Variants in HSF5 observed in about 807,000 individuals in gnomAD.
HSF5 encodes the protein heat shock transcription factor 5.
HSF5 carries 5 observed loss-of-function variants against 50.8 expected under a neutral mutation model. That is an observed-to-expected ratio of 0.10 (90% CI 0.05 to 0.21). HSF5 has a LOEUF of 0.21. Among genes scored for constraint, HSF5 ranks in the 10% least tolerant of loss-of-function variants. The pLI is 1.00. For synonymous variants in HSF5, 307 were observed against 307.4 expected (o/e 1.00, Z 0.02); for missense variants, 564 against 762.6 (o/e 0.74, Z 3.07).
chr17:58,441,402 T>C (rs1405438646), intron 5 of HSF5, among the ~76,000 whole-genome samples: 1 of 152,172 alleles, frequency 6.6e-6, no homozygotes, highest in Admixed American at 6.5e-5. Flanking sequence ...TTTTAAATGT[T>C]AATCTTAGAA....
At position 58,421,535 on chromosome 17, in the gene HSF5, T is replaced by C. The variant is rs1974229619; in HGVS notation, c.*825A>G. ...TCCTTCTATCCTGCAATAATAAAAA[T>C]ATAAAACTTTAAAACCTTTAAATCT... On this transcript the variant is annotated 3_prime_UTR_variant, in exon 6 of 6. Transcript: ENST00000323777. The C allele has an allele frequency of 6.6e-6, 1 of 152,204 alleles. No individual in the cohort carries two copies. Among genetic ancestry groups the C allele is most frequent in the African/African-American group, 2.4e-5 (1 of 41,464 alleles). The allele number at this position is 152,204 out of a possible 1,614,324, so 9.4% of individuals were successfully genotyped here.
At chr17:58,422,718 G>A (rs573063574) in intron 5 of HSF5, among the ~76,000 whole-genome samples, 53 of 145,704 alleles carry the variant, frequency 3.6e-4, no homozygotes, top group Admixed American at 1.1e-3. Context: ...TTTTTGAGAC[G>A]GAGTTTTGCT....
intron 5 of HSF5, among the ~76,000 whole-genome samples, chr17:58,446,824 T>C (rs1452514982): frequency 6.6e-6 from 1 of 152,164 alleles, no homozygotes; most frequent in African/African-American, 2.4e-5. Flanking sequence ...GGTAAGAGAC[T>C]ACTGTGTAAA....
rs34994266 is a variant in HSF5, at chr17:58,460,478, TAC to T, written c.1543-1535_1543-1534del. 3.8e-3 allele frequency among the ~76,000 whole-genome samples: 520 copies of T among 137,710 alleles called. 4 individuals carry two copies. The highest frequency in any genetic ancestry group is 0.012 in the African/African-American group (435 of 36,302). The allele number at this position is 137,710 out of a possible 152,430, so 90.3% of individuals were successfully genotyped here. On this transcript the variant is annotated intron_variant, in intron 4 of 5. Coordinates refer to ENST00000323777, the MANE Select transcript of HSF5 (RefSeq NM_001080439.3). ...AAACACAGCTTTATATACATATATA[TAC>T]ACACACACACACACACACACACACA... is the stretch of plus-strand genomic sequence containing the variant.
intron 5 of HSF5, among the ~76,000 whole-genome samples, chr17:58,455,957 A>G (rs1207438099): frequency 6.6e-6 from 1 of 152,186 alleles, no homozygotes; most frequent in Non-Finnish European, 1.5e-5. Context: ...GAACCACTAT[A>G]TAATTTAGCA....
chr17:58,485,878 C>T (rs1024305960), intron 1 of HSF5, among the ~76,000 whole-genome samples: 1 of 151,594 alleles, frequency 6.6e-6, no homozygotes, highest in African/African-American at 2.4e-5. Context: ...ACCAGCCTGG[C>T]CAACATGGTG....
chr17:58,422,500 G>T, intron 5 of HSF5, 70 bp from the exon 6 acceptor site: 1 of 1,228,542 alleles, frequency 8.1e-7, no homozygotes. Context: ...TTTCAGACAA[G>T]CAGAACAAGT....
intron 2 of HSF5, among the ~76,000 whole-genome samples, chr17:58,473,539 G>A (rs1183031608): frequency 6.6e-6 from 1 of 151,954 alleles, no homozygotes; most frequent in African/African-American, 2.4e-5. Flanking sequence ...TAACATCAGA[G>A]GAAAAATTGA....
In HSF5 at chr17:58,420,541, A is replaced by G. The variant is rs1974216630; in HGVS notation, c.*1819T>C. 6.6e-6 allele frequency: 1 copy of G among 152,192 alleles called. No homozygotes were observed. Among genetic ancestry groups the G allele is most frequent in the Non-Finnish European group, 1.5e-5 (1 of 68,026 alleles). 9.4% of individuals were successfully genotyped at this position (152,192 alleles called of 1,614,324 possible). On this transcript the variant is annotated 3_prime_UTR_variant, in exon 6 of 6. Transcript: ENST00000323777. ...CTCAAAAGATATTATCTCAACATCT[A>G]TAAAGCTAAGAAAGCCATATTTAGG...
At chr17:58,430,234 C>T (rs190021616) in intron 5 of HSF5, among the ~76,000 whole-genome samples, 49 of 152,112 alleles carry the variant, frequency 3.2e-4, no homozygotes, top group African/African-American at 1.2e-3. Flanking sequence ...CCACCACACC[C>T]GGCTCATTTT....
At chr17:58,472,137 G>A (rs777807758) in intron 2 of HSF5, among the ~76,000 whole-genome samples, 42 of 152,128 alleles carry the variant, frequency 2.8e-4, no homozygotes, top group Non-Finnish European at 5.6e-4. Flanking sequence ...AAGTACAGAC[G>A]TGAGCCACTG....
In HSF5 at chr17:58,462,977, T is replaced by C; in HGVS notation, c.1347A>G (p.Ala449=). 1 of 1,614,260 alleles carries C rather than the reference T, an allele frequency of 6.2e-7. No individual in the cohort carries two copies. Residue 449 remains alanine, a synonymous_variant, in exon 4 of 6, where the codon GCA becomes GCG. Coordinates refer to ENST00000323777, the MANE Select transcript of HSF5 (RefSeq NM_001080439.3). ...GTGACTGTGGTAGAGAGCAGGCAAC[T>C]GCTTGTTCTGTTCCAACCACAAAAG... is the stretch of plus-strand genomic sequence containing the variant. ...IMSFVVGTEQ[A]VACSLPQSPE... is the part of the protein sequence containing the mutation.
chr17:58,435,846 C>A (rs1490848032), intron 5 of HSF5, among the ~76,000 whole-genome samples: 1 of 145,482 alleles, frequency 6.9e-6, no homozygotes, highest in East Asian at 2.0e-4. Context: ...TTGTAGTGAG[C>A]CAAGATCACG....
At chr17:58,476,662 A>G (rs946667755) in intron 2 of HSF5, 5 of 1,571,518 alleles carry the variant, frequency 3.2e-6, no homozygotes, top group Non-Finnish European at 4.4e-6. Context: ...CTCCTCCCCA[A>G]GCAGTGCAGA....
chr17:58,472,936 C>T (rs1284433423), intron 2 of HSF5, among the ~76,000 whole-genome samples: 1 of 152,092 alleles, frequency 6.6e-6, no homozygotes, highest in Non-Finnish European at 1.5e-5. Context: ...TTGCTGTTGT[C>T]CACCCTATCT....
chr17:58,449,839 C>T (rs71372837), intron 5 of HSF5, among the ~76,000 whole-genome samples: 12,115 of 150,080 alleles, frequency 0.081, 644 homozygotes, highest in Middle Eastern at 0.2. Context: ...CCGGCTAAAA[C>T]GGTGAAACCC....
At chr17:58,482,116 T>TAAAC (rs1422551883) in intron 1 of HSF5, among the ~76,000 whole-genome samples, 1 of 63,542 alleles carries the variant, frequency 1.6e-5, no homozygotes, top group Non-Finnish European at 2.9e-5. Flanking sequence ...TAAAAATAAA[T>TAAAC]AAATAAATAA....
intron 5 of HSF5, among the ~76,000 whole-genome samples, chr17:58,436,589 T>C (rs995885823): frequency 6.6e-6 from 1 of 152,096 alleles, no homozygotes; most frequent in Non-Finnish European, 1.5e-5. Flanking sequence ...GTGCTAATTA[T>C]TTTATCAGTT....
rs114699734 is a variant in HSF5, at chr17:58,423,330, A to G, written c.1721-900T>C. ...AAAGAAGTAAAAATGCAAATTAGGT[A>G]CTAGGTTCTGTAATACAAAAAAGCT... On this transcript the variant is annotated intron_variant, in intron 5 of 5. Transcript: ENST00000323777. Among the ~76,000 whole-genome samples the G allele has an allele frequency of 3.0e-3, 450 of 152,234 alleles. 2 individuals are homozygous for G. Among genetic ancestry groups the G allele is most frequent in the African/African-American group, 0.01 (435 of 41,548 alleles).
Sources: gnomAD v4.1 joint callset for allele counts (sites outside exome capture counted in the v4.1 genomes callset) on GRCh38, gnomAD v4.1.1 for gene constraint, MANE v1.5 for transcripts, NCBI Gene and HGNC (gene_info 2026-07-23, HGNC 2026-07-21) for gene names.